PDE4D: variants seen among roughly 807,000 people sequenced by gnomAD.
PDE4D encodes phosphodiesterase 4D, also known as 3',5'-cyclic-AMP phosphodiesterase 4D.
Under a neutral mutation model 87.4 loss-of-function variants are expected in PDE4D, and 24 were observed. That is an observed-to-expected ratio of 0.27 (90% CI 0.20 to 0.39). The LOEUF (loss-of-function observed/expected upper bound fraction) is 0.39, where lower values mean the gene tolerates loss of function less well. Ranked by LOEUF, PDE4D falls within the 10% of genes least tolerant of loss-of-function variation. The pLI is 1.00. For missense variants in PDE4D, 714 were observed against 1,041.0 expected (o/e 0.69, Z 4.32); for synonymous variants, 384 against 383.2 (o/e 1.00, Z -0.02).
At chr5:59,487,130 A>G (rs1292292141) in intron 1 of PDE4D, among the ~76,000 whole-genome samples, 2 of 152,168 alleles carry the variant, frequency 1.3e-5, no homozygotes, top group Non-Finnish European at 2.9e-5. Context: ...ACAAAATCCT[A>G]GTCAGTATGG....
intron 2 of PDE4D, among the ~76,000 whole-genome samples, chr5:60,047,911 G>C (rs1769508500): frequency 2.0e-5 from 3 of 152,108 alleles, no homozygotes; most frequent in African/African-American, 7.2e-5. Flanking sequence ...TTCAATTCCA[G>C]GGTATCCTTG....
chr5:59,501,642 T>C (rs1808304058), intron 1 of PDE4D, among the ~76,000 whole-genome samples: 1 of 152,042 alleles, frequency 6.6e-6, no homozygotes, highest in Non-Finnish European at 1.5e-5. Flanking sequence ...TACAATAATA[T>C]GATGAAGATC....
chr5:59,611,932 C>T (rs986402258), intron 1 of PDE4D, among the ~76,000 whole-genome samples: 1 of 152,170 alleles, frequency 6.6e-6, no homozygotes, highest in Admixed American at 6.5e-5. Context: ...GTGCAATGAG[C>T]CACCGGATTC....
intron 5 of PDE4D, among the ~76,000 whole-genome samples, chr5:59,156,333 G>A (rs58597769): frequency 0.58 from 42,058 of 72,732 alleles, 9,103 homozygotes; most frequent in Non-Finnish European, 0.63. Context: ...ATATATATAT[G>A]TGTGTGTGTG....
chr5:59,343,014 T>C (rs1779016666), intron 1 of PDE4D, among the ~76,000 whole-genome samples: 1 of 151,474 alleles, frequency 6.6e-6, no homozygotes, highest in Admixed American at 6.6e-5. Flanking sequence ...CAGGGATATA[T>C]GTGCAGGTTT....
chr5:59,396,523 AG>A (rs1219182131), intron 1 of PDE4D, among the ~76,000 whole-genome samples: 1 of 79,966 alleles, frequency 1.3e-5, no homozygotes, highest in Non-Finnish European at 2.4e-5. Context: ...TTTACAGACA[AG>A]CAAATGCTGA....
At chr5:59,390,544 A>C (rs1788027531) in intron 1 of PDE4D, among the ~76,000 whole-genome samples, 1 of 152,306 alleles carries the variant, frequency 6.6e-6, no homozygotes, top group East Asian at 1.9e-4. Flanking sequence ...TTAAAGTATA[A>C]AGAGCAAATC....
chr5:59,881,373 C>T (rs927025474), intron 1 of PDE4D, among the ~76,000 whole-genome samples: 1 of 151,756 alleles, frequency 6.6e-6, no homozygotes, highest in African/African-American at 2.4e-5. Context: ...TTTTATTTGC[C>T]GTCTCCTTAA....
At chr5:59,737,487 T>C (rs1360723036) in intron 1 of PDE4D, among the ~76,000 whole-genome samples, 1 of 152,142 alleles carries the variant, frequency 6.6e-6, no homozygotes, top group African/African-American at 2.4e-5. Context: ...TCAATATTTG[T>C]ATAAAGAAAG....
In PDE4D at chr5:59,113,058, C is replaced by T. The variant is rs113604062; in HGVS notation, c.808+67537G>A. 1.4e-4 allele frequency among the ~76,000 whole-genome samples: 22 copies of T among 152,022 alleles called. 1 individual carries two copies. Among genetic ancestry groups the T allele is most frequent in the African/African-American group, 5.3e-4 (22 of 41,466 alleles). On this transcript the variant is annotated intron_variant, in intron 5 of 14. Transcript: ENST00000340635. ...TCAGGTGATCCAACCGCCTTGGCCTCCCAAAGTGTCTACCCTTCCCTTCTT... is the reference window on the plus strand; with the variant it reads ...TCAGGTGATCCAACCGCCTTGGCCTTCCAAAGTGTCTACCCTTCCCTTCTT...
chr5:59,119,632 T>G (rs1774158455), intron 5 of PDE4D, among the ~76,000 whole-genome samples: 1 of 152,184 alleles, frequency 6.6e-6, no homozygotes, highest in Admixed American at 6.5e-5. Flanking sequence ...ATGGTGACTT[T>G]TACATCAGTA....
chr5:60,313,946 A>G (rs1583389170), intron 1 of PDE4D, among the ~76,000 whole-genome samples: 1 of 152,188 alleles, frequency 6.6e-6, no homozygotes, highest in East Asian at 1.9e-4. Context: ...AAACTTCAAA[A>G]TAACAACCAT....
intron 1 of PDE4D, among the ~76,000 whole-genome samples, chr5:59,724,270 A>C (rs1482499724): frequency 1.3e-5 from 2 of 152,140 alleles, no homozygotes; most frequent in African/African-American, 4.8e-5. Context: ...GGACACCTGA[A>C]TCCTAAAGAA....
intron 1 of PDE4D, among the ~76,000 whole-genome samples, chr5:59,414,744 C>T (rs1035124850): frequency 6.6e-6 from 1 of 152,142 alleles, no homozygotes; most frequent in Non-Finnish European, 1.5e-5. Flanking sequence ...ACAAAAATAA[C>T]AACAACAAAA....
At chr5:59,646,462 T>C (rs987497980) in intron 1 of PDE4D, among the ~76,000 whole-genome samples, 3 of 152,224 alleles carry the variant, frequency 2.0e-5, no homozygotes, top group Admixed American at 6.5e-5. Context: ...AATTAATCAA[T>C]TGATAAAACA....
intron 5 of PDE4D, among the ~76,000 whole-genome samples, chr5:59,107,988 C>A (rs1289346020): frequency 6.6e-6 from 1 of 152,206 alleles, no homozygotes; most frequent in African/African-American, 2.4e-5. Flanking sequence ...CTAAGCCCAG[C>A]CTCCAGTCTA....
At chr5:59,876,085 C>A (rs1748563043) in intron 1 of PDE4D, among the ~76,000 whole-genome samples, 1 of 152,136 alleles carries the variant, frequency 6.6e-6, no homozygotes, top group Non-Finnish European at 1.5e-5. Flanking sequence ...ATGTAACAAA[C>A]CTGCATATCC....
intron 1 of PDE4D, among the ~76,000 whole-genome samples, chr5:59,889,070 T>C (rs1328578619): frequency 6.6e-6 from 1 of 151,472 alleles, no homozygotes; most frequent in African/African-American, 2.4e-5. Context: ...CTACTAAAAA[T>C]ACAAAAAATT....
intron 2 of PDE4D, among the ~76,000 whole-genome samples, chr5:60,057,501 C>T (rs1770906622): frequency 6.6e-6 from 1 of 152,040 alleles, no homozygotes; most frequent in Non-Finnish European, 1.5e-5. Flanking sequence ...CTCCATTCCT[C>T]TTCAGTGCCT....
Sources: gnomAD v4.1 joint callset for allele counts (sites outside exome capture counted in the v4.1 genomes callset) on GRCh38, gnomAD v4.1.1 for gene constraint, MANE v1.5 for transcripts, NCBI Gene and HGNC (gene_info 2026-07-23, HGNC 2026-07-21) for gene names.